The following OXR1 variants were observed in gnomAD, a reference collection of about 807,000 sequenced individuals.
The protein encoded by OXR1 is oxidation resistance protein 1.
OXR1 carries 41 observed loss-of-function variants against 104.6 expected under a neutral mutation model. The observed-to-expected ratio is 0.39, with a 90% CI of 0.31 to 0.51. OXR1 has a LOEUF of 0.51. Ranked by LOEUF, OXR1 falls within the 20% of genes least tolerant of loss-of-function variation. The probability of loss-of-function intolerance (pLI) is 0.77; values close to 1 mark genes in which losing one functional copy is unlikely to be tolerated. For missense variants in OXR1, 955 were observed against 1,031.9 expected (o/e 0.93, Z 1.02); for synonymous variants, 348 against 348.4 (o/e 1.00, Z 0.01).
intron 3 of OXR1, among the ~76,000 whole-genome samples, chr8:106,629,394 A>AAACACTC (rs1822475645): frequency 6.6e-6 from 1 of 152,172 alleles, no homozygotes. Context: ...CATGGTCACC[A>AAACACTC]AGTGAGTCAG....
At chr8:106,582,296 C>T (rs1006010437) in intron 3 of OXR1, among the ~76,000 whole-genome samples, 1 of 148,792 alleles carries the variant, frequency 6.7e-6, no homozygotes, top group African/African-American at 2.5e-5. Context: ...TAACAAAGAC[C>T]TATTAGGTAA....
chr8:106,618,060 A>G, intron 3 of OXR1: 1 of 1,533,698 alleles, frequency 6.5e-7, no homozygotes, highest in Non-Finnish European at 8.7e-7. Flanking sequence ...GGCAGAAAGG[A>G]AATGTTATAT....
Position 106,331,997 on chromosome 8 carries a change from A to AGTGTGTGTGT in OXR1, c.-138-27443_-138-27434dup, listed in dbSNP as rs3073756. ...TATATTTATTTCTTAGAAAGAACAT[A>AGTGTGTGTGT]GTGTGTGTGTGTGTGTGTGTGTGTG... On this transcript the variant is annotated intron_variant, in intron 1 of 16. Transcript: ENST00000517566. Among the ~76,000 whole-genome samples the AGTGTGTGTGT allele has an allele frequency of 4.0e-3, 550 of 138,162 alleles. 3 individuals carry two copies. The highest frequency in any genetic ancestry group is 0.013 in the African/African-American group (500 of 37,196). 90.6% of individuals were successfully genotyped at this position (138,162 alleles called of 152,430 possible). A position where few individuals can be genotyped will look rare whatever the true frequency, so the allele number is the denominator to read the frequency against.
At chr8:106,612,553 T>C (rs1021992875) in intron 3 of OXR1, among the ~76,000 whole-genome samples, 21 of 152,204 alleles carry the variant, frequency 1.4e-4, no homozygotes, top group Non-Finnish European at 2.9e-5. Context: ...ATTTCCTTTC[T>C]GCATCTCTTA....
chr8:106,618,629 C>A (rs1200048019), intron 3 of OXR1, among the ~76,000 whole-genome samples: 1 of 152,104 alleles, frequency 6.6e-6, no homozygotes, highest in East Asian at 1.9e-4. Context: ...TTCCATGTTG[C>A]CTTACCTTAT....
At chr8:106,707,273 A>G (rs762606640) in intron 9 of OXR1, 128 bp downstream of exon 9, 12 of 776,714 alleles carry the variant, frequency 1.5e-5, no homozygotes, top group Admixed American at 2.0e-5. Flanking sequence ...TTGACCGGTG[A>G]TTCTCTGGGG....
intron 11 of OXR1, among the ~76,000 whole-genome samples, chr8:106,722,349 T>C (rs1587240006): frequency 6.6e-6 from 1 of 152,294 alleles, no homozygotes; most frequent in East Asian, 1.9e-4. Context: ...TTTTTAATAC[T>C]GATCGAATAA....
intron 2 of OXR1, among the ~76,000 whole-genome samples, chr8:106,410,387 A>C (rs1045492395): frequency 2.0e-5 from 3 of 152,266 alleles, no homozygotes; most frequent in African/African-American, 7.2e-5. Flanking sequence ...TATCTTTTAT[A>C]TGTGAAGTGG....
chr8:106,324,804 T>C (rs1814394882), intron 1 of OXR1, among the ~76,000 whole-genome samples: 1 of 152,138 alleles, frequency 6.6e-6, no homozygotes, highest in African/African-American at 2.4e-5. Flanking sequence ...AAGGGTCAGG[T>C]AATAAATATT....
chr8:106,439,971 TA>T, intron 2 of OXR1, among the ~76,000 whole-genome samples: 1 of 152,126 alleles, frequency 6.6e-6, no homozygotes, highest in Non-Finnish European at 1.5e-5. Flanking sequence ...TAGCTGAAGT[TA>T]ATGGATAAGT....
chr8:106,421,014 C>T (rs1181128643), intron 2 of OXR1, among the ~76,000 whole-genome samples: 1 of 152,014 alleles, frequency 6.6e-6, no homozygotes, highest in Admixed American at 6.6e-5. Flanking sequence ...CCTGTCCTTC[C>T]AATATGTATG....
intron 3 of OXR1, among the ~76,000 whole-genome samples, chr8:106,595,686 TAATGCTGGA>T (rs1184919568): frequency 1.1e-4 from 17 of 152,248 alleles, no homozygotes; most frequent in African/African-American, 4.1e-4. Flanking sequence ...CAGCATGGAA[TAATGCTGGA>T]AATAGCCTTT....
chr8:106,470,317 A>G (rs899734726), intron 2 of OXR1, among the ~76,000 whole-genome samples: 2 of 151,850 alleles, frequency 1.3e-5, no homozygotes, highest in Non-Finnish European at 2.9e-5. Flanking sequence ...GAAAAATATA[A>G]TGGAAACCAT....
At chr8:106,340,830 C>T (rs1815215994) in intron 1 of OXR1, among the ~76,000 whole-genome samples, 1 of 151,764 alleles carries the variant, frequency 6.6e-6, no homozygotes, top group African/African-American at 2.4e-5. Flanking sequence ...ATACTATCTA[C>T]TATAATTTTA....
At chr8:106,741,063 A>G (rs1246848663) in intron 14 of OXR1, among the ~76,000 whole-genome samples, 1 of 152,150 alleles carries the variant, frequency 6.6e-6, no homozygotes, top group Non-Finnish European at 1.5e-5. Flanking sequence ...CTTATGCATT[A>G]TGTTATTTAA....
intron 2 of OXR1, among the ~76,000 whole-genome samples, chr8:106,465,675 AAGAAC>A (rs898900012): frequency 6.6e-6 from 1 of 151,980 alleles, no homozygotes; most frequent in African/African-American, 2.4e-5. Flanking sequence ...GAAAAAGAGA[AAGAAC>A]AGGAATGATA....
intron 1 of OXR1, among the ~76,000 whole-genome samples, chr8:106,290,943 GTA>G (rs1812723504): frequency 6.6e-6 from 1 of 152,116 alleles, no homozygotes; most frequent in African/African-American, 2.4e-5. Context: ...CCATTGCTTG[GTA>G]TATGGCCAAA....
chr8:106,332,142 C>T (rs1243670540), intron 1 of OXR1, among the ~76,000 whole-genome samples: 4 of 151,218 alleles, frequency 2.6e-5, no homozygotes, highest in African/African-American at 7.3e-5. Context: ...AATCAAGTCA[C>T]GTATTAAGGA....
intron 2 of OXR1, among the ~76,000 whole-genome samples, chr8:106,506,815 G>A (rs1812195010): frequency 6.6e-6 from 1 of 152,106 alleles, no homozygotes; most frequent in South Asian, 2.1e-4. Flanking sequence ...CTTGGGTCAG[G>A]TGTGGTGGTT....
Sources: gnomAD v4.1 joint callset for allele counts (sites outside exome capture counted in the v4.1 genomes callset) on GRCh38, gnomAD v4.1.1 for gene constraint, MANE v1.5 for transcripts, NCBI Gene and HGNC (gene_info 2026-07-23, HGNC 2026-07-21) for gene names.